The following PRR16 variants were observed in gnomAD, a reference collection of about 807,000 sequenced individuals.
PRR16 encodes the protein proline rich 16.
Under a neutral mutation model 18.2 loss-of-function variants are expected in PRR16, and 6 were observed. That is an observed-to-expected ratio of 0.33 (90% confidence interval 0.18 to 0.65). PRR16 has a LOEUF of 0.65. Ranked by LOEUF, PRR16 falls within the 30% of genes least tolerant of loss-of-function variation. The pLI, the probability that PRR16 is intolerant of heterozygous loss-of-function variation, is 0.74. For missense variants in PRR16, 412 were observed against 376.6 expected (o/e 1.09, Z -0.78); for synonymous variants, 151 against 147.8 (o/e 1.02, Z -0.16).
the PRR16 span, among the ~76,000 whole-genome samples, chr5:120,771,100 G>C: frequency 6.6e-6 from 1 of 151,790 alleles, no homozygotes; most frequent in African/African-American, 2.4e-5. Flanking sequence ...TTCAAATTAA[G>C]TAAGTTAGAT....
At chr5:120,655,732 T>TG (rs563009982) in intron 1 of PRR16, among the ~76,000 whole-genome samples, 3 of 91,342 alleles carry the variant, frequency 3.3e-5, no homozygotes, top group African/African-American at 1.5e-4. Context: ...TGACTTTTTT[T>TG]TTTTGTTTTT....
intron 1 of PRR16, among the ~76,000 whole-genome samples, chr5:120,515,669 C>G (rs62376396): frequency 6.9e-4 from 105 of 152,202 alleles, no homozygotes; most frequent in Admixed American, 3.2e-3. Flanking sequence ...TTTTACCAAT[C>G]TTTGATATAA....
chr5:120,766,214 C>A, the PRR16 span, among the ~76,000 whole-genome samples: 2 of 152,022 alleles, frequency 1.3e-5, no homozygotes, highest in African/African-American at 4.8e-5. Context: ...TTACACCTGA[C>A]ACCAGCAGCA....
chr5:120,516,514 C>CACACACAT (rs200788129), intron 1 of PRR16, among the ~76,000 whole-genome samples: 26 of 150,464 alleles, frequency 1.7e-4, no homozygotes, highest in African/African-American at 4.9e-4. Flanking sequence ...CACACACACA[C>CACACACAT]GCATATACAT....
intron 1 of PRR16, among the ~76,000 whole-genome samples, chr5:120,542,747 T>G (rs1319713172): frequency 6.6e-6 from 1 of 152,180 alleles, no homozygotes; most frequent in Non-Finnish European, 1.5e-5. Context: ...TGTCATCCCC[T>G]TGCAGTATTG....
At chr5:120,504,325 A>T (rs1750570260) in intron 1 of PRR16, among the ~76,000 whole-genome samples, 1 of 152,212 alleles carries the variant, frequency 6.6e-6, no homozygotes, top group South Asian at 2.1e-4. Flanking sequence ...TCGAATCAGT[A>T]GTCTTTTGAA....
chr5:120,582,719 G>A (rs955079192), intron 1 of PRR16, among the ~76,000 whole-genome samples: 2 of 151,096 alleles, frequency 1.3e-5, no homozygotes, highest in Non-Finnish European at 2.9e-5. Flanking sequence ...TTTAATGTGG[G>A]AGTGTGAAGT....
At chr5:120,700,529 G>A in the PRR16 span, among the ~76,000 whole-genome samples, 1 of 152,040 alleles carries the variant, frequency 6.6e-6, no homozygotes. Context: ...GAATAGTCAG[G>A]GAAGCAGATA....
At chr5:120,732,806 C>T in the PRR16 span, among the ~76,000 whole-genome samples, 4 of 152,062 alleles carry the variant, frequency 2.6e-5, no homozygotes, top group African/African-American at 9.7e-5. Context: ...TCTAATGTCC[C>T]TTCCAAAGGT....
chr5:120,486,539 G>C (rs187947803), intron 1 of PRR16, among the ~76,000 whole-genome samples: 1 of 152,188 alleles, frequency 6.6e-6, no homozygotes, highest in African/African-American at 2.4e-5. Context: ...GTAGATGCTG[G>C]ATATTAGCCC....
chr5:120,711,428 G>T, the PRR16 span, among the ~76,000 whole-genome samples: 217 of 152,274 alleles, frequency 1.4e-3, 6 homozygotes, highest in South Asian at 0.043. Flanking sequence ...ATAAAGGAAT[G>T]AAAACAATAT....
the PRR16 span, among the ~76,000 whole-genome samples, chr5:120,772,576 ACTT>A: frequency 7.1e-6 from 1 of 140,384 alleles, no homozygotes; most frequent in Non-Finnish European, 1.6e-5. Context: ...AAAGCTACTA[ACTT>A]CTTTATTCTT....
At chr5:120,538,918 G>C (rs888167777) in intron 1 of PRR16, among the ~76,000 whole-genome samples, 3 of 152,190 alleles carry the variant, frequency 2.0e-5, no homozygotes, top group Non-Finnish European at 4.4e-5. Flanking sequence ...TCGTGAGTTT[G>C]TTCCCTGGAG....
At chr5:120,579,501 A>T (rs896537819) in intron 1 of PRR16, among the ~76,000 whole-genome samples, 29 of 152,094 alleles carry the variant, frequency 1.9e-4, no homozygotes, top group African/African-American at 6.3e-4. Flanking sequence ...TCATTTACTG[A>T]TTAGGAGATC....
the PRR16 span, among the ~76,000 whole-genome samples, chr5:120,701,861 G>A: frequency 6.6e-6 from 1 of 152,098 alleles, no homozygotes; most frequent in East Asian, 1.9e-4. Context: ...TTCATGACAA[G>A]AATTATTTAG....
At chr5:120,488,516 G>T (rs1291969005) in intron 1 of PRR16, among the ~76,000 whole-genome samples, 3 of 152,064 alleles carry the variant, frequency 2.0e-5, no homozygotes, top group Non-Finnish European at 4.4e-5. Context: ...ATTTTTTATT[G>T]TGTCTATTTG....
At chr5:120,684,356 T>G (rs971410938) in intron 1 of PRR16, among the ~76,000 whole-genome samples, 5 of 152,110 alleles carry the variant, frequency 3.3e-5, no homozygotes, top group Admixed American at 6.5e-5. Flanking sequence ...GGAAGTAAAG[T>G]CTATATCCTG....
At chr5:120,709,552 T>C in the PRR16 span, among the ~76,000 whole-genome samples, 145,505 of 152,124 alleles carry the variant, frequency 0.96, 69,824 homozygotes, top group East Asian at 1. Context: ...GCTATAGTCT[T>C]CTCTTAGTCT....
chr5:120,597,090 C>A (rs1426038321), intron 1 of PRR16, among the ~76,000 whole-genome samples: 3 of 151,390 alleles, frequency 2.0e-5, no homozygotes, highest in Non-Finnish European at 4.4e-5. Context: ...AACAAGTGTT[C>A]ATTTGCCATT....
Sources: gnomAD v4.1 joint callset for allele counts (sites outside exome capture counted in the v4.1 genomes callset) on GRCh38, gnomAD v4.1.1 for gene constraint, MANE v1.5 for transcripts, NCBI Gene and HGNC (gene_info 2026-07-23, HGNC 2026-07-21) for gene names.